HPSE2: variants seen among roughly 807,000 people sequenced by gnomAD.
HPSE2 encodes inactive heparanase-2.
HPSE2 carries 38 observed loss-of-function variants against 60.5 expected under a neutral mutation model. The ratio of observed to expected loss-of-function variants is 0.63; its 90% CI spans 0.48 to 0.82. The LOEUF (loss-of-function observed/expected upper bound fraction) is 0.82. Ranked by LOEUF, HPSE2 falls within the 40% of genes least tolerant of loss-of-function variation. HPSE2 has a pLI of 0.00. For synonymous variants in HPSE2, 295 were observed against 293.2 expected (o/e 1.01, Z -0.06); for missense variants, 713 against 740.4 (o/e 0.96, Z 0.43).
intron 2 of HPSE2, among the ~76,000 whole-genome samples, chr10:99,225,830 C>T (rs1408079356): frequency 1.3e-5 from 2 of 152,014 alleles, no homozygotes; most frequent in African/African-American, 4.8e-5. Context: ...TCTGGATTTA[C>T]CCAACCAACA....
chr10:98,675,203 C>T (rs1460242620), intron 6 of HPSE2, among the ~76,000 whole-genome samples: 1 of 152,098 alleles, frequency 6.6e-6, no homozygotes, highest in African/African-American at 2.4e-5. Flanking sequence ...AACATACTTC[C>T]CTAAGGTGTC....
intron 3 of HPSE2, among the ~76,000 whole-genome samples, chr10:98,963,241 G>T (rs1001260523): frequency 1.3e-5 from 2 of 152,094 alleles, no homozygotes; most frequent in Non-Finnish European, 2.9e-5. Flanking sequence ...TTTGTTTTCT[G>T]ATTTTAAAAG....
chr10:99,262,994 T>C, the HPSE2 span, among the ~76,000 whole-genome samples: 1 of 152,128 alleles, frequency 6.6e-6, no homozygotes, highest in Non-Finnish European at 1.5e-5. Context: ...TCGGAATTCT[T>C]ACACAAGAGC....
chr10:98,726,630 TATAATAATAATA>T lies in HPSE2; in HGVS notation c.785-4814_785-4803del, dbSNP rs35016961. ...TGCACATGTATTCTAAAACTTAAAG[TATAATAATAATA>T]ATAATAATAATAATAATAATAATAA... On this transcript the variant is annotated intron_variant, in intron 4 of 11. Coordinates refer to ENST00000370552, the MANE Select transcript of HPSE2 (RefSeq NM_021828.5). 1.7e-3 allele frequency among the ~76,000 whole-genome samples: 251 copies of T among 143,596 alleles called. 3 individuals are homozygous for T. The highest frequency in any genetic ancestry group is 4.8e-3 in the African/African-American group (190 of 39,508). 94.2% of individuals were successfully genotyped at this position (143,596 alleles called of 152,430 possible). A position where few individuals can be genotyped will look rare whatever the true frequency, so the allele number is the denominator to read the frequency against.
At position 99,219,572 on chromosome 10, in the gene HPSE2, A is replaced by G. The variant is rs545774645; in HGVS notation, c.448+12776T>C. ...AGTGGAGGGATTACTTTTAGCTGTT[A>G]TAGTTCATTTAAGAATGTCATGCTT... is the stretch of plus-strand genomic sequence containing the variant. On this transcript the variant is annotated intron_variant, in intron 2 of 11. Transcript: ENST00000370552. Among the ~76,000 whole-genome samples the G allele has an allele frequency of 1.4e-4, 22 of 152,338 alleles. 1 individual carries two copies. In the South Asian group the frequency reaches 4.6e-3, roughly 32 times the overall value.
At chr10:98,717,441 C>T (rs187694169) in intron 5 of HPSE2, among the ~76,000 whole-genome samples, 3 of 152,116 alleles carry the variant, frequency 2.0e-5, no homozygotes, top group African/African-American at 7.2e-5. Flanking sequence ...TTTCAACATG[C>T]CTTCCTCATT....
intron 6 of HPSE2, among the ~76,000 whole-genome samples, chr10:98,673,862 C>G (rs1205576524): frequency 6.6e-6 from 1 of 152,184 alleles, no homozygotes; most frequent in Non-Finnish European, 1.5e-5. Context: ...AAGTTATCCT[C>G]TCTCTCTAAA....
chr10:98,976,518 A>G (rs1308336820), intron 3 of HPSE2, among the ~76,000 whole-genome samples: 2 of 152,082 alleles, frequency 1.3e-5, no homozygotes, highest in Non-Finnish European at 2.9e-5. Flanking sequence ...TGGGGATGGG[A>G]GCTGCATATT....
chr10:98,638,744 G>A (rs1406079468), intron 7 of HPSE2, among the ~76,000 whole-genome samples: 1 of 152,166 alleles, frequency 6.6e-6, no homozygotes, highest in African/African-American at 2.4e-5. Flanking sequence ...CCTAACGACT[G>A]GGTCCAGACT....
At chr10:98,486,028 C>G (rs1941427004) in intron 10 of HPSE2, among the ~76,000 whole-genome samples, 1 of 152,168 alleles carries the variant, frequency 6.6e-6, no homozygotes, top group Admixed American at 6.5e-5. Flanking sequence ...GGAAGACAAA[C>G]CAGTACAGCC....
chr10:98,583,749 T>G (rs989283747), intron 9 of HPSE2, among the ~76,000 whole-genome samples: 4 of 152,252 alleles, frequency 2.6e-5, no homozygotes, highest in African/African-American at 9.6e-5. Context: ...ATGTTCACAC[T>G]ACTTTCTGTC....
At chr10:98,952,326 G>C (rs868412655) in intron 3 of HPSE2, among the ~76,000 whole-genome samples, 3 of 122,898 alleles carry the variant, frequency 2.4e-5, no homozygotes, top group African/African-American at 7.9e-5. Flanking sequence ...GTGTGTGTGT[G>C]TGTGTGTGTG....
At chr10:99,061,228 G>T (rs1958235860) in intron 3 of HPSE2, among the ~76,000 whole-genome samples, 1 of 151,926 alleles carries the variant, frequency 6.6e-6, no homozygotes, top group Non-Finnish European at 1.5e-5. Flanking sequence ...AGAGGAAGAG[G>T]TGGTGCATCA....
intron 7 of HPSE2, among the ~76,000 whole-genome samples, chr10:98,629,872 G>T (rs1946314722): frequency 1.3e-5 from 2 of 152,170 alleles, no homozygotes. Flanking sequence ...ATTCAAAGTT[G>T]TCATAACAAT....
intron 3 of HPSE2, among the ~76,000 whole-genome samples, chr10:99,101,752 A>T (rs955563729): frequency 6.6e-6 from 1 of 152,234 alleles, no homozygotes; most frequent in Non-Finnish European, 1.5e-5. Context: ...CTCCTCAGCA[A>T]ATGTAAAAGA....
rs138091851 is a variant in HPSE2 at position 99,014,721 on chromosome 10, C to A, written c.610+129517G>T. Among the ~76,000 whole-genome samples, 790 of 152,232 alleles carry A rather than the reference C, an allele frequency of 5.2e-3. 7 individuals are homozygous for A. Among genetic ancestry groups the A allele is most frequent in the African/African-American group, 0.018 (759 of 41,544 alleles). On this transcript the variant is annotated intron_variant, in intron 3 of 11. Transcript: ENST00000370552. ...TGATTGGTGATGTTGAGCTTTTCTT[C>A]ACGACTGTCGGTTGCATGTATGTCT...
At chr10:98,545,861 C>T (rs913241530) in intron 9 of HPSE2, among the ~76,000 whole-genome samples, 8 of 150,564 alleles carry the variant, frequency 5.3e-5, no homozygotes, top group African/African-American at 1.5e-4. Context: ...GGAAGTCAAA[C>T]TGTCCCTGTT....
At chr10:98,960,672 C>A in intron 3 of HPSE2, among the ~76,000 whole-genome samples, 1 of 102,920 alleles carries the variant, frequency 9.7e-6, no homozygotes, top group Admixed American at 9.4e-5. Flanking sequence ...AGTTCATCTT[C>A]TTTGAATTAC....
intron 6 of HPSE2, among the ~76,000 whole-genome samples, chr10:98,665,814 C>G (rs1947348178): frequency 6.6e-6 from 1 of 152,144 alleles, no homozygotes; most frequent in Non-Finnish European, 1.5e-5. Context: ...AAGGTTGATA[C>G]CTGCTACCAC....
Sources: allele counts gnomAD v4.1 joint callset (sites outside exome capture counted in the v4.1 genomes callset), GRCh38; gene constraint gnomAD v4.1.1; transcripts MANE v1.5; gene names NCBI Gene and HGNC (gene_info 2026-07-23, HGNC 2026-07-21).